SLC22A23: variants seen among roughly 807,000 people sequenced by gnomAD.
SLC22A23 encodes ion transporter protein.
Under a neutral mutation model 61.0 loss-of-function variants are expected in SLC22A23, and 26 were observed. That is an observed-to-expected ratio of 0.43 (90% CI 0.31 to 0.59). The LOEUF (loss-of-function observed/expected upper bound fraction) is 0.59, where lower values mean the gene tolerates loss of function less well. Ranked by LOEUF, SLC22A23 falls within the 20% of genes least tolerant of loss-of-function variation. SLC22A23 has a pLI of 0.11. For missense variants in SLC22A23, 796 were observed against 934.7 expected (o/e 0.85, Z 1.94); for synonymous variants, 430 against 413.9 (o/e 1.04, Z -0.47).
Position 3,386,515 on chromosome 6 carries a change from C to T in SLC22A23, c.913+23673G>A, listed in dbSNP as rs983233601. The stretch of plus-strand genomic sequence containing the variant: ...GAATAAAGCAGCCAACAGGAGGCTC[C>T]GGGTTCTGAGGCAGCCTTGTTCTTC... On this transcript the variant is annotated intron_variant, in intron 3 of 9. Coordinates refer to ENST00000406686, the MANE Select transcript of SLC22A23 (RefSeq NM_015482.2). This position sits in a 1 kb window ranked among gnomAD's most constrained non-coding sequence, Gnocchi z 4.4. 5.3e-5 allele frequency among the ~76,000 whole-genome samples: 8 copies of T among 152,224 alleles called. No individual in the cohort carries two copies. The highest frequency in any genetic ancestry group is 4.1e-4 in the South Asian group (2 of 4,836).
intron 4 of SLC22A23, 98 bp downstream of exon 4, chr6:3,323,736 A>C: frequency 7.6e-7 from 1 of 1,322,152 alleles, no homozygotes; most frequent in South Asian, 1.5e-5. Context: ...AGCTGCAACT[A>C]GTGGGAAGTG....
chr6:3,398,276 C>G (rs1183653864), intron 3 of SLC22A23, among the ~76,000 whole-genome samples: 4 of 152,046 alleles, frequency 2.6e-5, no homozygotes, highest in Non-Finnish European at 5.9e-5. Context: ...AACCCTACCC[C>G]CAACCCTGAT....
intron 3 of SLC22A23, among the ~76,000 whole-genome samples, chr6:3,405,251 A>G (rs1768731447): frequency 6.6e-6 from 1 of 150,548 alleles, no homozygotes; most frequent in Non-Finnish European, 1.5e-5. Context: ...ACAGTGCGAG[A>G]CTGTCTCAAA....
chr6:3,341,875 A>G (rs1043595272), intron 3 of SLC22A23, among the ~76,000 whole-genome samples: 1 of 152,180 alleles, frequency 6.6e-6, no homozygotes, highest in Non-Finnish European at 1.5e-5. Context: ...CTTTAAAAGA[A>G]AAGTTAATGG....
At position 3,342,158 on chromosome 6, in the gene SLC22A23, G is replaced by T. The variant is rs1353541265; in HGVS notation, c.914-18156C>A. ...CATACTATGGGTTTAAATTTTAGGTGTGTCTGCGTGAAAATGAAAACTTAT... is the reference window on the plus strand; with the variant it reads ...CATACTATGGGTTTAAATTTTAGGTTTGTCTGCGTGAAAATGAAAACTTAT... On this transcript the variant is annotated intron_variant, in intron 3 of 9. Transcript: ENST00000406686. This position sits in a 1 kb window ranked among gnomAD's most constrained non-coding sequence, Gnocchi z 4.0. 6.6e-6 allele frequency among the ~76,000 whole-genome samples: 1 copy of T among 152,082 alleles called. No individual in the cohort carries two copies. Among genetic ancestry groups the T allele is most frequent in the South Asian group, 2.1e-4 (1 of 4,826 alleles).
chr6:3,312,297 A>G (rs2127382495), intron 4 of SLC22A23: 1 of 152,180 alleles, frequency 6.6e-6, no homozygotes, highest in East Asian at 1.9e-4. Context: ...TGCACCTTTC[A>G]CTCATTTATC....
At chr6:3,314,635 T>C (rs548080255) in intron 4 of SLC22A23, among the ~76,000 whole-genome samples, 2 of 152,150 alleles carry the variant, frequency 1.3e-5, no homozygotes, top group Non-Finnish European at 2.9e-5. Context: ...AGCCAAAAAA[T>C]TAGGGCTATT....
At chr6:3,438,494 G>C (rs970494269) in intron 1 of SLC22A23, 11 of 456,548 alleles carry the variant, frequency 2.4e-5, no homozygotes, top group Non-Finnish European at 4.4e-5. Flanking sequence ...GTTCAGCTCC[G>C]GCCTCCAGCG....
rs1256919391 is a variant in SLC22A23 at position 3,324,456 on chromosome 6, A to T, written c.914-454T>A. On this transcript the variant is annotated intron_variant, in intron 3 of 9. Coordinates refer to ENST00000406686, the MANE Select transcript of SLC22A23 (RefSeq NM_015482.2). This position sits in a 1 kb window ranked among gnomAD's most constrained non-coding sequence, Gnocchi z 4.3. Reference sequence around the variant, plus strand: ...TCTAGACAGGACACCAGGCATGCCCATATACTCACTCCTACCCATATGCAC... The same window carrying T: ...TCTAGACAGGACACCAGGCATGCCCTTATACTCACTCCTACCCATATGCAC... Among the ~76,000 whole-genome samples the T allele has an allele frequency of 3.3e-5, 5 of 152,036 alleles. No homozygotes were observed. Among genetic ancestry groups the T allele is most frequent in the African/African-American group, 1.2e-4 (5 of 41,390 alleles).
chr6:3,444,146 T>C (rs1771760364), intron 1 of SLC22A23, among the ~76,000 whole-genome samples: 1 of 152,192 alleles, frequency 6.6e-6, no homozygotes, highest in Non-Finnish European at 1.5e-5. Context: ...CTCACAGCAA[T>C]GGTTTATTTT....
intron 4 of SLC22A23, among the ~76,000 whole-genome samples, chr6:3,306,750 G>A (rs1044598308): frequency 1.3e-5 from 2 of 152,248 alleles, no homozygotes; most frequent in South Asian, 2.1e-4. Context: ...CCAGGTGGGG[G>A]GAGAGAAGCA....
In SLC22A23 at chr6:3,279,509, C is replaced by CAAAAAAAAA. The variant is rs10642564; in HGVS notation, c.1703+4334_1703+4342dup. Among the ~76,000 whole-genome samples the CAAAAAAAAA allele has an allele frequency of 2.4e-3, 87 of 36,014 alleles. 24 individuals carry two copies. Among genetic ancestry groups the CAAAAAAAAA allele is most frequent in the Admixed American group, 3.0e-3 (5 of 1,640 alleles). The allele number at this position is 36,014 out of a possible 152,430, so 23.6% of individuals were successfully genotyped here. On this transcript the variant is annotated intron_variant, in intron 9 of 9. Transcript: ENST00000406686. Reference sequence around the variant, plus strand: ...CTGGCAACAGAGCAAGGCTCCGTCTCAAAAAAAAAAAAAAAAAAAAAAAAA... The same window carrying CAAAAAAAAA: ...CTGGCAACAGAGCAAGGCTCCGTCTCAAAAAAAAAAAAAAAAAAAAAAAAAAAAAAAAAA...
intron 3 of SLC22A23, among the ~76,000 whole-genome samples, chr6:3,346,610 C>T (rs1764455058): frequency 6.6e-6 from 1 of 152,210 alleles, no homozygotes; most frequent in Admixed American, 6.5e-5. Context: ...GCATTGCATT[C>T]CTGTGTCATC....
In SLC22A23 at chr6:3,272,970, C is replaced by T. The variant is rs1431053253; in HGVS notation, c.*85G>A. The stretch of plus-strand genomic sequence containing the variant: ...CAGCTTGGCTGAGGCAGCTTTCCCA[C>T]CCCTGGCTGCGTGTTCGGTCCCTGG... On this transcript the variant is annotated 3_prime_UTR_variant, in exon 10 of 10. Transcript: ENST00000406686. 6.0e-5 allele frequency: 77 copies of T among 1,277,470 alleles called. 1 individual carries two copies. The highest frequency in any genetic ancestry group is 7.2e-5 in the Non-Finnish European group (68 of 938,220). The allele number at this position is 1,277,470 out of a possible 1,614,324, so 79.1% of individuals were successfully genotyped here. A position where few individuals can be genotyped will look rare whatever the true frequency, so the allele number is the denominator to read the frequency against.
Position 3,298,079 on chromosome 6 carries a change from C to A in SLC22A23, c.1210+12G>T, listed in dbSNP as rs536245606. ...AGCCTCTCTGAGCCCTGCCAGCCCGCGGTGTGCTCACCTGGTATCACACCC... is the reference window on the plus strand; with the variant it reads ...AGCCTCTCTGAGCCCTGCCAGCCCGAGGTGTGCTCACCTGGTATCACACCC... On this transcript the variant is annotated intron_variant, in intron 5 of 9. Transcript: ENST00000406686. 7 of 1,517,094 alleles carry A rather than the reference C, an allele frequency of 4.6e-6. No homozygotes were observed. Among genetic ancestry groups the A allele is most frequent in the Non-Finnish European group, 6.2e-6 (7 of 1,136,420 alleles). 94.0% of individuals were successfully genotyped at this position (1,517,094 alleles called of 1,614,324 possible).
At chr6:3,439,084 G>A (rs1771412811) in intron 1 of SLC22A23, among the ~76,000 whole-genome samples, 1 of 152,126 alleles carries the variant, frequency 6.6e-6, no homozygotes, top group Non-Finnish European at 1.5e-5. Context: ...TCTGACCGGG[G>A]TTTCTCAAAC....
chr6:3,401,740 C>T (rs1451412181), intron 3 of SLC22A23, among the ~76,000 whole-genome samples: 1 of 152,196 alleles, frequency 6.6e-6, no homozygotes, highest in East Asian at 1.9e-4. Context: ...GGTTCTTCTA[C>T]CTCCACCCAT....
chr6:3,439,393 G>A (rs548781871), intron 1 of SLC22A23: 28 of 434,560 alleles, frequency 6.4e-5, no homozygotes, highest in African/African-American at 4.3e-4. Flanking sequence ...AAGTGCACCG[G>A]AGCCACTGCG....
In SLC22A23 at chr6:3,324,429, C is replaced by A. The variant is rs116587114; in HGVS notation, c.914-427G>T. Among the ~76,000 whole-genome samples the A allele has an allele frequency of 6.9e-3, 1,045 of 152,212 alleles. 7 individuals are homozygous for A. Among genetic ancestry groups the A allele is most frequent in the African/African-American group, 0.023 (964 of 41,514 alleles). ...GATGCTGTATTAGGGGCCATCTCGACCTCTAGACAGGACACCAGGCATGCC... is the reference window on the plus strand; with the variant it reads ...GATGCTGTATTAGGGGCCATCTCGAACTCTAGACAGGACACCAGGCATGCC... On this transcript the variant is annotated intron_variant, in intron 3 of 9. Coordinates refer to ENST00000406686, the MANE Select transcript of SLC22A23 (RefSeq NM_015482.2). This position sits in a 1 kb window ranked among gnomAD's most constrained non-coding sequence, Gnocchi z 4.3.
Sources: gnomAD v4.1 joint callset for allele counts (sites outside exome capture counted in the v4.1 genomes callset) on GRCh38, gnomAD v4.1.1 for gene constraint, Gnocchi (gnomAD v3.1) non-coding constraint, MANE v1.5 for transcripts, NCBI Gene and HGNC (gene_info 2026-07-23, HGNC 2026-07-21) for gene names.